The following ACTR3 variants were observed in gnomAD, a reference collection of about 807,000 sequenced individuals.
ACTR3 encodes actin-related protein 3.
Under a neutral mutation model 56.8 loss-of-function variants are expected in ACTR3, and 12 were observed. The observed-to-expected ratio is 0.21, with a 90% CI of 0.14 to 0.34. ACTR3 has a LOEUF of 0.34. ACTR3 is among the 10% of genes least tolerant of loss of function. ACTR3 has a pLI of 1.00. For synonymous variants in ACTR3, 162 were observed against 167.4 expected (o/e 0.97, Z 0.25); for missense variants, 282 against 512.5 (o/e 0.55, Z 4.34).
At chr2:113,900,837 C>T (rs529568826) in intron 1 of ACTR3, among the ~76,000 whole-genome samples, 28 of 152,184 alleles carry the variant, frequency 1.8e-4, no homozygotes, top group Non-Finnish European at 3.8e-4. Context: ...ACAGAGTAGG[C>T]GTCCAGGTTC....
At chr2:113,942,034 C>T (rs1435136859) in intron 7 of ACTR3, 152 bp from the exon 8 acceptor site, 1 of 565,700 alleles carries the variant, frequency 1.8e-6, no homozygotes, top group Non-Finnish European at 2.9e-6. Flanking sequence ...TGATAATATC[C>T]TAACAAATTT....
intron 1 of ACTR3, among the ~76,000 whole-genome samples, chr2:113,897,534 T>A (rs1301773353): frequency 6.8e-6 from 1 of 146,950 alleles, no homozygotes; most frequent in East Asian, 2.0e-4. Flanking sequence ...TTTTTTTTTT[T>A]TTTTTTTTTT....
intron 7 of ACTR3, 174 bp downstream of exon 7, chr2:113,940,276 TACAGCAGTTTGTCTTC>T: frequency 2.1e-6 from 1 of 473,120 alleles, no homozygotes; most frequent in Non-Finnish European, 3.5e-6. Flanking sequence ...AGAAAATTAT[TACAGCAGTTTGTCTTC>T]TGTTTTCTTC....
rs1179160978 is a variant in ACTR3, at chr2:113,960,562, G to A, written c.*3107G>A. 6.6e-6 allele frequency: 1 copy of A among 151,856 alleles called. No individual in the cohort carries two copies. The highest frequency in any genetic ancestry group is 1.5e-5 in the Non-Finnish European group (1 of 67,874). 9.4% of individuals were successfully genotyped at this position (151,856 alleles called of 1,614,324 possible). The stretch of plus-strand genomic sequence containing the variant: ...ATACTAGAATGTTTATAAAATTATT[G>A]AGAAGATTATTTGTGTTATAAAGCT... On this transcript the variant is annotated 3_prime_UTR_variant, in exon 12 of 12. Transcript: ENST00000263238.
rs1245844091 is a variant in ACTR3, at chr2:113,960,436, T to C, written c.*2981T>C. ...GAATATTTTTAGAAATAATATGAAA[T>C]ACAGGGATAATAGGCCAATTATGAT... On this transcript the variant is annotated 3_prime_UTR_variant, in exon 12 of 12. Coordinates refer to ENST00000263238, the MANE Select transcript of ACTR3 (RefSeq NM_005721.5). The C allele has an allele frequency of 1.3e-5, 2 of 151,984 alleles. No individual in the cohort carries two copies. The highest frequency in any genetic ancestry group is 6.6e-5 in the Admixed American group (1 of 15,226). 9.4% of individuals were successfully genotyped at this position (151,984 alleles called of 1,614,324 possible).
intron 11 of ACTR3, 46 bp from the exon 12 acceptor site, chr2:113,957,314 T>C: frequency 9.6e-6 from 13 of 1,348,996 alleles, no homozygotes; most frequent in Non-Finnish European, 1.4e-5. Flanking sequence ...ACCTTCAAGA[T>C]GGTAGATTTT....
At position 113,890,132 on chromosome 2, in the gene ACTR3, C is replaced by A; in HGVS notation, c.-148C>A. The A allele has an allele frequency of 2.0e-6, 2 of 982,290 alleles. No homozygotes were observed. The highest frequency in any genetic ancestry group is 3.1e-6 in the Non-Finnish European group (2 of 646,992). The allele number at this position is 982,290 out of a possible 1,614,324, so 60.8% of individuals were successfully genotyped here. ...GCCGACCGAGCCTGCTGCTTTCTTGCTACTGCTTCGGCTTCCCGGCTACCC... is the reference window on the plus strand; with the variant it reads ...GCCGACCGAGCCTGCTGCTTTCTTGATACTGCTTCGGCTTCCCGGCTACCC... On this transcript the variant is annotated 5_prime_UTR_variant, in exon 1 of 12. Coordinates refer to ENST00000263238, the MANE Select transcript of ACTR3 (RefSeq NM_005721.5).
At chr2:113,905,427 G>A (rs7581859) in intron 1 of ACTR3, among the ~76,000 whole-genome samples, 3,963 of 150,774 alleles carry the variant, frequency 0.026, 140 homozygotes, top group African/African-American at 0.076. Context: ...ATGGCGCCAC[G>A]GGACTCCAGC....
chr2:113,952,018 T>G, intron 10 of ACTR3, 173 bp downstream of exon 10: 1 of 861,448 alleles, frequency 1.2e-6, no homozygotes, highest in Admixed American at 3.0e-5. Context: ...ATCATTTGAT[T>G]CTTCTAGGAT....
chr2:113,940,627 A>C (rs957458793), intron 7 of ACTR3, among the ~76,000 whole-genome samples: 1 of 152,052 alleles, frequency 6.6e-6, no homozygotes, highest in Non-Finnish European at 1.5e-5. Context: ...GCTTCATGCA[A>C]ACTATCAAAA....
At chr2:113,910,545 G>C (rs565670758) in intron 1 of ACTR3, among the ~76,000 whole-genome samples, 3 of 152,128 alleles carry the variant, frequency 2.0e-5, no homozygotes, top group African/African-American at 7.2e-5. Context: ...TCTGAAGAAG[G>C]GGGGCAGTCT....
At chr2:113,940,386 AAAAT>A (rs1181265739) in intron 7 of ACTR3, among the ~76,000 whole-genome samples, 3 of 151,584 alleles carry the variant, frequency 2.0e-5, no homozygotes, top group Non-Finnish European at 4.4e-5. Context: ...CTCTTTATTA[AAAAT>A]AAATAATTAT....
intron 1 of ACTR3, among the ~76,000 whole-genome samples, chr2:113,910,404 A>G (rs1427117536): frequency 1.3e-5 from 2 of 152,176 alleles, no homozygotes; most frequent in African/African-American, 4.8e-5. Flanking sequence ...TTTATAATAA[A>G]CCAGCTAATG....
At chr2:113,921,398 C>T (rs1190584272) in intron 3 of ACTR3, among the ~76,000 whole-genome samples, 4 of 150,420 alleles carry the variant, frequency 2.7e-5, no homozygotes, top group East Asian at 1.9e-4. Flanking sequence ...GTACAGTTTG[C>T]GGGCATTTTG....
intron 8 of ACTR3, among the ~76,000 whole-genome samples, chr2:113,944,461 G>A (rs1679979191): frequency 6.6e-6 from 1 of 151,684 alleles, no homozygotes; most frequent in South Asian, 2.1e-4. Flanking sequence ...ATTTTTTTAT[G>A]AGGTGGAATC....
At chr2:113,924,273 C>CT (rs1679576098) in intron 3 of ACTR3, among the ~76,000 whole-genome samples, 1 of 151,228 alleles carries the variant, frequency 6.6e-6, no homozygotes, top group Admixed American at 6.6e-5. Flanking sequence ...GACAGGGTCT[C>CT]ACTACGTTGC....
intron 3 of ACTR3, among the ~76,000 whole-genome samples, chr2:113,924,095 C>T (rs984300450): frequency 1.4e-5 from 2 of 147,978 alleles, no homozygotes; most frequent in African/African-American, 2.5e-5. Context: ...TGCCCTGTTG[C>T]CCATGTTGGA....
chr2:113,904,767 C>T (rs1679163474), intron 1 of ACTR3: 1 of 152,142 alleles, frequency 6.6e-6, no homozygotes, highest in Admixed American at 6.5e-5. Flanking sequence ...TTGAAAGCAC[C>T]TCAGTGCACT....
intron 10 of ACTR3, chr2:113,953,130 A>G (rs1374234113): frequency 1.3e-5 from 2 of 152,242 alleles, no homozygotes; most frequent in South Asian, 2.1e-4. Flanking sequence ...TTACAGATAT[A>G]TAAGTACAAA....
Sources: gnomAD v4.1 joint callset for allele counts (sites outside exome capture counted in the v4.1 genomes callset) on GRCh38, gnomAD v4.1.1 for gene constraint, MANE v1.5 for transcripts, NCBI Gene and HGNC (gene_info 2026-07-23, HGNC 2026-07-21) for gene names.